Variants in IGFBP5 observed in about 807,000 individuals in gnomAD.
IGFBP5 encodes insulin like growth factor binding protein 5, also known as insulin-like growth factor-binding protein 5.
Under a neutral mutation model 28.0 loss-of-function variants are expected in IGFBP5, and 12 were observed. The observed-to-expected ratio is 0.43, with a 90% CI of 0.27 to 0.69. The LOEUF is 0.69. IGFBP5 is among the 30% of genes least tolerant of loss of function. IGFBP5 has a pLI of 0.20. For synonymous variants in IGFBP5, 152 were observed against 150.2 expected (o/e 1.01, Z -0.09); for missense variants, 344 against 381.6 (o/e 0.90, Z 0.82).
intron 2 of IGFBP5, chr2:216,678,644 C>A: frequency 1.7e-6 from 1 of 598,060 alleles, no homozygotes; most frequent in Non-Finnish European, 3.0e-6. Flanking sequence ...TGAGCACCGC[C>A]TCTATTCCCA....
Position 216,679,805 on chromosome 2 carries a change from G to A in IGFBP5, c.338-726C>T, listed in dbSNP as rs749565519. Among the ~76,000 whole-genome samples the A allele has an allele frequency of 5.3e-5, 8 of 152,162 alleles. No individual in the cohort carries two copies. The highest frequency in any genetic ancestry group is 1.3e-4 in the Admixed American group (2 of 15,284). ...GCTCCTGCTCTGGCTCAGAACTGGC[G>A]CGGTGCTCGGGGGCCTGGGAGGCTG... On this transcript the variant is annotated intron_variant, in intron 1 of 3. Coordinates refer to ENST00000233813, the MANE Select transcript of IGFBP5 (RefSeq NM_000599.4). The surrounding 1 kb of genome is among the most constrained non-coding windows in gnomAD (Gnocchi z 4.6).
rs1350499288 is a variant in IGFBP5, at chr2:216,675,503, G to C, written c.*1248C>G. On this transcript the variant is annotated 3_prime_UTR_variant, in exon 4 of 4. Transcript: ENST00000233813. ...AGGGCTGGCCTCTGCCTGGCTCGGT[G>C]GGTGCAGATGAACACACGTGGGGAA... 1 of 152,344 alleles carries C rather than the reference G, an allele frequency of 6.6e-6. No homozygotes were observed. The highest frequency in any genetic ancestry group is 6.5e-5 in the Admixed American group (1 of 15,288). The allele number at this position is 152,344 out of a possible 1,614,324, so 9.4% of individuals were successfully genotyped here.
chr2:216,679,845 T>C lies in IGFBP5; in HGVS notation c.338-766A>G, dbSNP rs1010318083. ...CTGGGAGGCTGGGACGTTACTCAGC[T>C]CTGGACTGAGAGAGGCCGACAGCTG... is the stretch of plus-strand genomic sequence containing the variant. On this transcript the variant is annotated intron_variant, in intron 1 of 3. Transcript: ENST00000233813. This position sits in a 1 kb window ranked among gnomAD's most constrained non-coding sequence, Gnocchi z 4.6. 6.6e-6 allele frequency among the ~76,000 whole-genome samples: 1 copy of C among 152,178 alleles called. No homozygotes were observed. Among genetic ancestry groups the C allele is most frequent in the Non-Finnish European group, 1.5e-5 (1 of 68,026 alleles).
rs1243982422 is a variant in IGFBP5, at chr2:216,672,798, A to C, written c.*3953T>G. On this transcript the variant is annotated 3_prime_UTR_variant, in exon 4 of 4. Transcript: ENST00000233813. ...GGAGGCCAGAGTCTGTGAAATGACT[A>C]AACTATATACTCCATTAGAAAACCA... is the stretch of plus-strand genomic sequence containing the variant. 1 of 152,682 alleles carries C rather than the reference A, an allele frequency of 6.5e-6. No homozygotes were observed. Among genetic ancestry groups the C allele is most frequent in the Non-Finnish European group, 1.5e-5 (1 of 68,056 alleles). 9.5% of individuals were successfully genotyped at this position (152,682 alleles called of 1,614,324 possible). A position where few individuals can be genotyped will look rare whatever the true frequency, so the allele number is the denominator to read the frequency against.
Position 216,679,060 on chromosome 2 carries a change from GT to G in IGFBP5, c.356del (p.His119ProfsTer29). 1 of 1,614,108 alleles carries G rather than the reference GT, an allele frequency of 6.2e-7. No individual in the cohort carries two copies. Among genetic ancestry groups the G allele is most frequent in the Non-Finnish European group, 8.5e-7 (1 of 1,179,974 alleles). ...CCATCTCAGAGGTGGTGGGCTCCTC[GT>G]GCTCACGGGAGTCTCTCTCTGCAGG... Reference protein sequence around the residue: ...QVKIERDSREHEEPTTSEMAE... With the variant: ...QVKIERDSREXEEPTTSEMAE... On this transcript the variant is annotated frameshift_variant, in exon 2 of 4. Coordinates refer to ENST00000233813, the MANE Select transcript of IGFBP5 (RefSeq NM_000599.4). LOFTEE classifies it high-confidence loss of function. The surrounding 1 kb of genome is among the most constrained non-coding windows in gnomAD (Gnocchi z 4.6).
At chr2:216,681,790 C>A (rs572945805) in intron 1 of IGFBP5, among the ~76,000 whole-genome samples, 20 of 152,292 alleles carry the variant, frequency 1.3e-4, no homozygotes, top group African/African-American at 4.3e-4. Flanking sequence ...CCACAGCCTT[C>A]CCTCAACAGC....
intron 2 of IGFBP5, among the ~76,000 whole-genome samples, chr2:216,678,503 G>GTA (rs1269514258): frequency 6.6e-6 from 1 of 152,194 alleles, no homozygotes; most frequent in African/African-American, 2.4e-5. Context: ...CTTCTGCTGA[G>GTA]TAACAATGTC....
rs1007167018 is a variant in IGFBP5 at position 216,694,367 on chromosome 2, G to C, written c.337+72C>G. ...CTCGAAGCCACTTGCTGCGCAAAGC[G>C]CGCGGGCCCAGCCGGTCTCGTGTCC... On this transcript the variant is annotated intron_variant, in intron 1 of 3. Transcript: ENST00000233813. The surrounding 1 kb of genome is among the most constrained non-coding windows in gnomAD (Gnocchi z 5.2). 5 of 1,336,036 alleles carry C rather than the reference G, an allele frequency of 3.7e-6. No homozygotes were observed. Among genetic ancestry groups the C allele is most frequent in the Non-Finnish European group, 4.9e-6 (5 of 1,016,946 alleles). 82.8% of individuals were successfully genotyped at this position (1,336,036 alleles called of 1,614,324 possible).
intron 1 of IGFBP5, among the ~76,000 whole-genome samples, chr2:216,690,778 G>T (rs1689085697): frequency 6.6e-6 from 1 of 151,724 alleles, no homozygotes; most frequent in Non-Finnish European, 1.5e-5. Flanking sequence ...GGAGGGAGGG[G>T]TGAGAAAGGG....
rs189995238 is a variant in IGFBP5, at chr2:216,672,167, G to T, written c.*4584C>A. ...CATGACAAAAGACAAAGATCAAGGA[G>T]TAACATAAATTATAAGTTGAATAAA... On this transcript the variant is annotated 3_prime_UTR_variant, in exon 4 of 4. Transcript: ENST00000233813. The T allele has an allele frequency of 1.1e-4, 17 of 152,306 alleles. No homozygotes were observed. The East Asian group carries it at 2.9e-3, about 26-fold the overall frequency. The allele number at this position is 152,306 out of a possible 1,614,324, so 9.4% of individuals were successfully genotyped here.
In IGFBP5 at chr2:216,692,906, A is replaced by G. The variant is rs1689118005; in HGVS notation, c.337+1533T>C. 6.6e-6 allele frequency among the ~76,000 whole-genome samples: 1 copy of G among 152,074 alleles called. No homozygotes were observed. Among genetic ancestry groups the G allele is most frequent in the Non-Finnish European group, 1.5e-5 (1 of 67,998 alleles). ...CAGGAAGCTCTCCGGCCTCCTGGCA[A>G]GCGCGGACGCACTCCTCTCCTGCAC... On this transcript the variant is annotated intron_variant, in intron 1 of 3. Coordinates refer to ENST00000233813, the MANE Select transcript of IGFBP5 (RefSeq NM_000599.4). The surrounding 1 kb of genome is among the most constrained non-coding windows in gnomAD (Gnocchi z 4.2).
chr2:216,690,952 C>T lies in IGFBP5; in HGVS notation c.337+3487G>A, dbSNP rs992928645. On this transcript the variant is annotated intron_variant, in intron 1 of 3. Coordinates refer to ENST00000233813, the MANE Select transcript of IGFBP5 (RefSeq NM_000599.4). ...GAAAAGTCCAGTTAAAGCCCCATCT[C>T]GTTTTCCCAACTCCCGTTTTGGTTG... is the stretch of plus-strand genomic sequence containing the variant. Among the ~76,000 whole-genome samples, 6 of 151,534 alleles carry T rather than the reference C, an allele frequency of 4.0e-5. No homozygotes were observed. In the South Asian group the frequency reaches 1.3e-3, roughly 32 times the overall value.
In IGFBP5 at chr2:216,679,444, G is replaced by A. The variant is rs11575192; in HGVS notation, c.338-365C>T. On this transcript the variant is annotated intron_variant, in intron 1 of 3. Transcript: ENST00000233813. The surrounding 1 kb of genome is among the most constrained non-coding windows in gnomAD (Gnocchi z 4.6). ...TGCAAGGATGAAGGTGGCAGCGAGC[G>A]GTTTGCTTGCTGGGGGATGGCCAAG... is the stretch of plus-strand genomic sequence containing the variant. 9.2e-5 allele frequency among the ~76,000 whole-genome samples: 14 copies of A among 152,100 alleles called. No homozygotes were observed. The highest frequency in any genetic ancestry group is 3.9e-4 in the East Asian group (2 of 5,176).
chr2:216,690,822 C>A (rs1403940938), intron 1 of IGFBP5, among the ~76,000 whole-genome samples: 2 of 146,052 alleles, frequency 1.4e-5, no homozygotes, highest in Non-Finnish European at 3.0e-5. Context: ...TGAGCTCTCA[C>A]TAGGGCTAAC....
chr2:216,694,713 C>G lies in IGFBP5; in HGVS notation c.63G>C (p.Leu21=), dbSNP rs202117764. The change falls in exon 1 of 4, where the codon CTG becomes CTC. Residue 21 remains leucine (L), a synonymous_variant. Transcript: ENST00000233813. This position sits in a 1 kb window ranked among gnomAD's most constrained non-coding sequence, Gnocchi z 5.2. ...LAAYAGPAQS[L]GSFVHCEPCD... ...AGGGCTCGCAGTGCACGAAGGAGCC[C>G]AGGCTCTGGGCCGGCCCCGCATAGG... 1,681 of 1,484,906 alleles carry G rather than the reference C, an allele frequency of 1.1e-3. 13 individuals are homozygous for G. In the Middle Eastern group the frequency reaches 0.014, roughly 12 times the overall value. The allele number at this position is 1,484,906 out of a possible 1,614,324, so 92.0% of individuals were successfully genotyped here.
intron 2 of IGFBP5, among the ~76,000 whole-genome samples, chr2:216,678,548 A>G (rs1281495393): frequency 2.0e-5 from 3 of 152,186 alleles, no homozygotes; most frequent in African/African-American, 7.2e-5. Flanking sequence ...CTAGGAGAAT[A>G]TTCAGTCTCT....
Position 216,673,979 on chromosome 2 carries a change from TA to T in IGFBP5, c.*2771del, listed in dbSNP as rs760723373. On this transcript the variant is annotated 3_prime_UTR_variant, in exon 4 of 4. Coordinates refer to ENST00000233813, the MANE Select transcript of IGFBP5 (RefSeq NM_000599.4). The surrounding 1 kb of genome is among the most constrained non-coding windows in gnomAD (Gnocchi z 4.3). ...GGAAACCGGAAGAGTCTGGCGCACTTACACCAGGCTCTAATCCCCCACCTGA... is the reference window on the plus strand; with the variant it reads ...GGAAACCGGAAGAGTCTGGCGCACTTCACCAGGCTCTAATCCCCCACCTGA... 2 of 152,624 alleles carry T rather than the reference TA, an allele frequency of 1.3e-5. No homozygotes were observed. Among genetic ancestry groups the T allele is most frequent in the Non-Finnish European group, 2.9e-5 (2 of 68,042 alleles). The allele number at this position is 152,624 out of a possible 1,614,324, so 9.5% of individuals were successfully genotyped here.
intron 1 of IGFBP5, among the ~76,000 whole-genome samples, chr2:216,687,238 C>G (rs11575150): frequency 6.6e-6 from 1 of 152,332 alleles, no homozygotes; most frequent in Non-Finnish European, 1.5e-5. Flanking sequence ...TCTCCGGACC[C>G]GTCTCCACTT....
intron 1 of IGFBP5, among the ~76,000 whole-genome samples, chr2:216,685,660 C>G (rs1226226513): frequency 6.6e-6 from 1 of 152,214 alleles, no homozygotes; most frequent in African/African-American, 2.4e-5. Flanking sequence ...AGACATGTCT[C>G]AGTCTCTTGA....
Sources: allele counts gnomAD v4.1 joint callset (sites outside exome capture counted in the v4.1 genomes callset), GRCh38; gene constraint gnomAD v4.1.1; non-coding constraint Gnocchi (gnomAD v3.1); transcripts MANE v1.5; gene names NCBI Gene and HGNC (gene_info 2026-07-23, HGNC 2026-07-21).